The following SYT2 variants were observed in gnomAD, a reference collection of about 807,000 sequenced individuals.
SYT2 encodes synaptotagmin 2, also known as synaptotagmin-2.
Under a neutral mutation model 39.9 loss-of-function variants are expected in SYT2, and 15 were observed. The ratio of observed to expected loss-of-function variants is 0.38; its 90% CI spans 0.25 to 0.58. The LOEUF is 0.58. Ranked by LOEUF, SYT2 falls within the 20% of genes least tolerant of loss-of-function variation. The pLI, the probability that SYT2 is intolerant of heterozygous loss-of-function variation, is 0.70. For missense variants in SYT2, 389 were observed against 530.3 expected, an observed-to-expected ratio of 0.73 and a Z score of 2.62; for synonymous variants, 181 against 204.5, an observed-to-expected ratio of 0.89 and a Z score of 0.98.
chr1:202,656,565 G>A lies in SYT2; in HGVS notation c.-17-50776C>T, dbSNP rs528251722. 6.2e-4 allele frequency among the ~76,000 whole-genome samples: 95 copies of A among 152,316 alleles called. 1 individual carries two copies. Among genetic ancestry groups the A allele is most frequent in the Admixed American group, 5.9e-4 (9 of 15,304 alleles). On this transcript the variant is annotated intron_variant, in intron 1 of 8. Transcript: ENST00000367268. ...GTCTTTAACCTCTCTAAGGCTCATTGTGACATCTATAAAAGCAGGAAATAA... is the reference window on the plus strand; with the variant it reads ...GTCTTTAACCTCTCTAAGGCTCATTATGACATCTATAAAAGCAGGAAATAA...
intron 1 of SYT2, among the ~76,000 whole-genome samples, chr1:202,679,151 G>C (rs191528104): frequency 6.6e-6 from 1 of 152,236 alleles, no homozygotes; most frequent in Admixed American, 6.5e-5. Flanking sequence ...CTCCTTAGCT[G>C]CTGAGCAGGA....
At chr1:202,639,051 T>A (rs1195297232) in intron 1 of SYT2, among the ~76,000 whole-genome samples, 1 of 152,184 alleles carries the variant, frequency 6.6e-6, no homozygotes, top group African/African-American at 2.4e-5. Context: ...TCTGGGATTA[T>A]TTTTTTCACG....
chr1:202,597,586 G>T (rs1379728631), intron 8 of SYT2, among the ~76,000 whole-genome samples: 2 of 152,216 alleles, frequency 1.3e-5, no homozygotes, highest in African/African-American at 4.8e-5. Context: ...GAGGCTGGTA[G>T]AGTAGGTTGG....
intron 1 of SYT2, among the ~76,000 whole-genome samples, chr1:202,680,876 T>C (rs1252992227): frequency 6.6e-6 from 1 of 152,128 alleles, no homozygotes; most frequent in Non-Finnish European, 1.5e-5. Flanking sequence ...CACTGCCTAT[T>C]GTAGGCCCTG....
At chr1:202,598,252 T>C (rs1053245120) in intron 8 of SYT2, among the ~76,000 whole-genome samples, 5 of 152,188 alleles carry the variant, frequency 3.3e-5, no homozygotes, top group Non-Finnish European at 4.4e-5. Context: ...GGGTCATTCA[T>C]TGAAAACAGA....
intron 1 of SYT2, among the ~76,000 whole-genome samples, chr1:202,664,339 G>A (rs1026956288): frequency 6.6e-6 from 1 of 152,160 alleles, no homozygotes; most frequent in Non-Finnish European, 1.5e-5. Flanking sequence ...CAAGGCCCCA[G>A]TCTCCATCAT....
intron 5 of SYT2, 110 bp downstream of exon 5, chr1:202,602,268 G>T: frequency 1.5e-6 from 2 of 1,327,472 alleles, no homozygotes; most frequent in East Asian, 2.3e-5. Context: ...AGTCAAGGCT[G>T]CCATTGTTCC....
chr1:202,694,122 C>A (rs1653914774), intron 1 of SYT2, among the ~76,000 whole-genome samples: 1 of 152,220 alleles, frequency 6.6e-6, no homozygotes. Context: ...CCACTTCCAA[C>A]ACTGGGGATC....
chr1:202,669,533 C>T (rs1572669138), intron 1 of SYT2, among the ~76,000 whole-genome samples: 2 of 151,224 alleles, frequency 1.3e-5, no homozygotes, highest in Admixed American at 6.6e-5. Context: ...GGGGAGGTTG[C>T]AGTGAGCCGA....
chr1:202,674,885 T>C (rs1186938290), intron 1 of SYT2, among the ~76,000 whole-genome samples: 2 of 90,900 alleles, frequency 2.2e-5, no homozygotes, highest in African/African-American at 3.0e-5. Context: ...TGCTCTGCCC[T>C]GAGCACCACC....
intron 1 of SYT2, among the ~76,000 whole-genome samples, chr1:202,681,498 G>A (rs948122330): frequency 1.6e-4 from 24 of 152,186 alleles, no homozygotes; most frequent in South Asian, 2.1e-4. Context: ...AAATATCTAA[G>A]AGGCTCCCCG....
intron 1 of SYT2, among the ~76,000 whole-genome samples, chr1:202,669,788 C>A (rs914034531): frequency 6.6e-5 from 10 of 151,292 alleles, no homozygotes; most frequent in African/African-American, 2.2e-4. Flanking sequence ...ACCCACAATT[C>A]TTATCTTTAA....
chr1:202,656,122 G>A (rs1370196918), intron 1 of SYT2, among the ~76,000 whole-genome samples: 1 of 144,382 alleles, frequency 6.9e-6, no homozygotes, highest in Admixed American at 6.8e-5. Flanking sequence ...GCGGGCTTTG[G>A]AACGCACACA....
At chr1:202,665,672 C>T (rs967341780) in intron 1 of SYT2, among the ~76,000 whole-genome samples, 5 of 152,168 alleles carry the variant, frequency 3.3e-5, no homozygotes, top group Non-Finnish European at 7.3e-5. Context: ...ACCAGGATCT[C>T]TTGGGAGGGC....
intron 1 of SYT2, among the ~76,000 whole-genome samples, chr1:202,622,946 C>A (rs1378659873): frequency 6.6e-6 from 1 of 152,198 alleles, no homozygotes; most frequent in Non-Finnish European, 1.5e-5. Flanking sequence ...AGGTGGCTTA[C>A]CTCCATCACA....
At chr1:202,627,520 C>T in intron 1 of SYT2, 2 of 985,276 alleles carry the variant, frequency 2.0e-6, no homozygotes, top group Non-Finnish European at 2.4e-6. Flanking sequence ...TGTGGACGGG[C>T]AGGCGCACTG....
intron 1 of SYT2, among the ~76,000 whole-genome samples, chr1:202,619,188 G>A (rs936951960): frequency 1.6e-4 from 25 of 152,282 alleles, no homozygotes; most frequent in African/African-American, 4.8e-4. Context: ...CTCGCCTCCC[G>A]CATGGCTGGG....
Position 202,594,133 on chromosome 1 carries a change from C to T in SYT2, c.*2624G>A, listed in dbSNP as rs1690211816. 6.6e-6 allele frequency: 1 copy of T among 152,382 alleles called. No individual in the cohort carries two copies. Among genetic ancestry groups the T allele is most frequent in the Non-Finnish European group, 1.5e-5 (1 of 68,158 alleles). 9.4% of individuals were successfully genotyped at this position (152,382 alleles called of 1,614,324 possible). A position where few individuals can be genotyped will look rare whatever the true frequency, so the allele number is the denominator to read the frequency against. On this transcript the variant is annotated 3_prime_UTR_variant, in exon 9 of 9. Transcript: ENST00000367268. ...GCTGGGACCTGAGGAAGGCACTGCT[C>T]CCCACACCCACACTGGCTCCACACT...
rs931443042 is a variant in SYT2, at chr1:202,591,345, C to T, written c.*5412G>A. 1 of 151,858 alleles carries T rather than the reference C, an allele frequency of 6.6e-6. No homozygotes were observed. Among genetic ancestry groups the T allele is most frequent in the Non-Finnish European group, 1.5e-5 (1 of 67,752 alleles). 9.4% of individuals were successfully genotyped at this position (151,858 alleles called of 1,614,324 possible). On this transcript the variant is annotated 3_prime_UTR_variant, in exon 9 of 9. Coordinates refer to ENST00000367268, the MANE Select transcript of SYT2 (RefSeq NM_177402.5). ...TGCCAGGCCTGAGGCATCCTGGGCT[C>T]TTCCCATGCAGTACTGCCCTCAGGT...
Sources: allele counts gnomAD v4.1 joint callset (sites outside exome capture counted in the v4.1 genomes callset), GRCh38; gene constraint gnomAD v4.1.1; transcripts MANE v1.5; gene names NCBI Gene and HGNC (gene_info 2026-07-23, HGNC 2026-07-21).